The following XDH variants were observed in gnomAD, a reference collection of about 807,000 sequenced individuals.
XDH encodes the protein xanthine dehydrogenase/oxidase.
A neutral mutation model predicts 156.1 loss-of-function variants in XDH; 138 were observed. That is an observed-to-expected ratio of 0.88 (90% CI 0.77 to 1.02). XDH has a LOEUF of 1.02. XDH is among the 50% of genes least tolerant of loss of function. The probability of loss-of-function intolerance (pLI) is 0.00; values close to 1 mark genes in which losing one functional copy is unlikely to be tolerated. For missense variants in XDH, 1,849 were observed against 1,684.9 expected (o/e 1.10, Z -1.71); for synonymous variants, 669 against 625.7 (o/e 1.07, Z -1.03).
At chr2:31,367,202 C>A (rs978570228) in intron 20 of XDH, among the ~76,000 whole-genome samples, 6 of 152,190 alleles carry the variant, frequency 3.9e-5, no homozygotes, top group Admixed American at 2.6e-4. Context: ...TCCCCACCCC[C>A]ACAACAAAGA....
chr2:31,348,187 G>T, intron 28 of XDH, 81 bp downstream of exon 28: 1 of 1,434,754 alleles, frequency 7.0e-7, no homozygotes, highest in Non-Finnish European at 9.7e-7. Flanking sequence ...GCCTGCTTCT[G>T]CTCTGATAGG....
At chr2:31,370,520 G>C in intron 17 of XDH, 42 bp from the exon 18 acceptor site, 1 of 1,612,532 alleles carries the variant, frequency 6.2e-7, no homozygotes, top group Non-Finnish European at 8.5e-7. Context: ...CAGCAAGCTG[G>C]AGCAGGGGAC....
chr2:31,361,082 G>A (rs1685764559), intron 24 of XDH, among the ~76,000 whole-genome samples: 1 of 152,224 alleles, frequency 6.6e-6, no homozygotes, highest in African/African-American at 2.4e-5. Context: ...AACTGTTGAA[G>A]TAGTAACAAG....
chr2:31,336,037 C>T (rs779168816), intron 35 of XDH, 29 bp from the exon 36 acceptor site: 1 of 1,612,906 alleles, frequency 6.2e-7, no homozygotes, highest in African/African-American at 1.3e-5. Context: ...GTTCTCATTG[C>T]CAGGGTCTGC....
chr2:31,348,520 T>G (rs1249990057), intron 27 of XDH, among the ~76,000 whole-genome samples, 157 bp from the exon 28 acceptor site: 1 of 152,240 alleles, frequency 6.6e-6, no homozygotes, highest in African/African-American at 2.4e-5. Context: ...CATGATTTAA[T>G]TATATAGCAC....
chr2:31,349,740 C>T lies in XDH; in HGVS notation c.2915G>A (p.Cys972Tyr). 6.2e-7 allele frequency: 1 copy of T among 1,614,202 alleles called. No individual in the cohort carries two copies. The highest frequency in any genetic ancestry group is 8.5e-7 in the Non-Finnish European group (1 of 1,180,040). Reference protein sequence around the residue: ...GFTLPRCWEECLASSQYHARK... With the variant: ...GFTLPRCWEEYLASSQYHARK... ...AGCATGATACTGAGAGCTTGCTAGG[C>T]ATTCTTCCCAGCATCTGGGCAAGGT... Residue 972 changes from cysteine to tyrosine, a missense_variant, in exon 26 of 36, where the codon TGC (cysteine) becomes TAC (tyrosine). Coordinates refer to ENST00000379416, the MANE Select transcript of XDH (RefSeq NM_000379.4).
Position 31,372,371 on chromosome 2 carries a change from C to T in XDH, c.1713G>A (p.Glu571=), listed in dbSNP as rs778420047. ...GGGGCAGGGGCCGGCCCACCATGTCCTCCTCAGACTGACCCTTGGGCACCT... is the reference window on the plus strand; with the variant it reads ...GGGGCAGGGGCCGGCCCACCATGTCTTCCTCAGACTGACCCTTGGGCACCT... The part of the protein sequence containing the change: ...FQEVPKGQSE[E]DMVGRPLPHL... The change falls in exon 17 of 36, where the codon GAG becomes GAA. Residue 571 remains glutamate (E), a synonymous_variant. Coordinates refer to ENST00000379416, the MANE Select transcript of XDH (RefSeq NM_000379.4). 4 of 1,613,990 alleles carry T rather than the reference C, an allele frequency of 2.5e-6. No individual in the cohort carries two copies. The South Asian group carries it at 3.3e-5, about 13-fold the overall frequency.
chr2:31,379,470 T>C (rs893724168), intron 13 of XDH, among the ~76,000 whole-genome samples: 1 of 152,220 alleles, frequency 6.6e-6, no homozygotes, highest in Non-Finnish European at 1.5e-5. Flanking sequence ...ATTCTGTTCT[T>C]AGCTGCTGGT....
chr2:31,366,747 C>A, intron 21 of XDH, 123 bp downstream of exon 21: 2 of 1,487,008 alleles, frequency 1.3e-6, no homozygotes, highest in Non-Finnish European at 9.3e-7. Context: ...AGGACTATGA[C>A]ACTCGAGTAC....
intron 14 of XDH, 45 bp downstream of exon 14, chr2:31,377,008 T>C: frequency 1.2e-6 from 2 of 1,609,346 alleles, no homozygotes; most frequent in Non-Finnish European, 1.7e-6. Flanking sequence ...ATACTATTAG[T>C]AGCAGCAACA....
chr2:31,409,596 G>A (rs776305773), intron 1 of XDH, among the ~76,000 whole-genome samples: 16 of 152,036 alleles, frequency 1.1e-4, no homozygotes, highest in Admixed American at 6.5e-4. Flanking sequence ...CAAAGGACTT[G>A]AATAGACATT....
chr2:31,386,300 A>T, intron 9 of XDH, 114 bp downstream of exon 9: 1 of 1,417,434 alleles, frequency 7.1e-7, no homozygotes, highest in Non-Finnish European at 9.7e-7. Context: ...TCAGTGGGGC[A>T]GAGGGATAGG....
chr2:31,346,116 T>C (rs1267886040), intron 30 of XDH, among the ~76,000 whole-genome samples: 1 of 152,162 alleles, frequency 6.6e-6, no homozygotes, highest in Non-Finnish European at 1.5e-5. Context: ...ACCACTCCAA[T>C]ACTGGGGAAG....
At chr2:31,341,302 C>A (rs1339449590) in intron 33 of XDH, 27 bp downstream of exon 33, 2 of 1,556,354 alleles carry the variant, frequency 1.3e-6, no homozygotes, top group South Asian at 1.2e-5. Flanking sequence ...CCAAGTCTGT[C>A]ACCACCCTGG....
rs149510128 is a variant in XDH at position 31,339,430 on chromosome 2, C to T, written c.3774+59G>A. 295 of 1,610,962 alleles carry T rather than the reference C, an allele frequency of 1.8e-4. No individual in the cohort carries two copies. The African/African-American group carries it at 2.2e-3, about 12-fold the overall frequency. On this transcript the variant is annotated intron_variant, in intron 34 of 35. Coordinates refer to ENST00000379416, the MANE Select transcript of XDH (RefSeq NM_000379.4). ...TGGGTCACTGAGGCCTCTCATCACC[C>T]GCTGGGGCCTCCCCCAGGGCAGATC...
chr2:31,384,950 G>A (rs1411115440), intron 9 of XDH, among the ~76,000 whole-genome samples: 1 of 152,190 alleles, frequency 6.6e-6, no homozygotes, highest in Non-Finnish European at 1.5e-5. Flanking sequence ...AGGGAGTGGC[G>A]CAGAAGGAAA....
chr2:31,367,853 G>C, intron 20 of XDH, 108 bp downstream of exon 20: 2 of 1,079,890 alleles, frequency 1.9e-6, no homozygotes, highest in Non-Finnish European at 2.9e-6. Context: ...CTTCTGTCAG[G>C]AAATGTCCAG....
intron 9 of XDH, among the ~76,000 whole-genome samples, chr2:31,385,956 T>G (rs1467141167): frequency 6.6e-6 from 1 of 152,202 alleles, no homozygotes; most frequent in African/African-American, 2.4e-5. Flanking sequence ...TCCTCCTCCC[T>G]TAGACTAGAA....
intron 30 of XDH, 86 bp downstream of exon 30, chr2:31,346,683 C>T (rs1450906070): frequency 6.1e-6 from 9 of 1,486,914 alleles, no homozygotes; most frequent in African/African-American, 1.4e-5. Context: ...ATATTGTCTC[C>T]TATTACTTGT....
Sources: gnomAD v4.1 joint callset for allele counts (sites outside exome capture counted in the v4.1 genomes callset) on GRCh38, gnomAD v4.1.1 for gene constraint, MANE v1.5 for transcripts, NCBI Gene and HGNC (gene_info 2026-07-23, HGNC 2026-07-21) for gene names.